Variants in DLGAP2 observed in about 807,000 individuals in gnomAD.
DLGAP2 encodes the protein disks large-associated protein 2.
In DLGAP2, 26 loss-of-function variants were observed where a neutral mutation model predicts 100.3. The observed-to-expected ratio is 0.26, with a 90% CI of 0.19 to 0.36. The LOEUF (loss-of-function observed/expected upper bound fraction) is 0.36. Ranked by LOEUF, DLGAP2 falls within the 10% of genes least tolerant of loss-of-function variation. DLGAP2 has a pLI of 1.00. For synonymous variants in DLGAP2, 886 were observed against 630.1 expected (o/e 1.41, Z -6.08); for missense variants, 1,858 against 1,453.2 (o/e 1.28, Z -4.53).
chr8:809,469 T>TC (rs963963649), intron 1 of DLGAP2, among the ~76,000 whole-genome samples: 1 of 151,680 alleles, frequency 6.6e-6, no homozygotes, highest in Non-Finnish European at 1.5e-5. Flanking sequence ...TTTTTTTTTT[T>TC]TTGTGGCTAA....
At chr8:1,571,426 T>C (rs1293600790) in intron 6 of DLGAP2, among the ~76,000 whole-genome samples, 1 of 87,074 alleles carries the variant, frequency 1.1e-5, no homozygotes, top group Non-Finnish European at 2.2e-5. Context: ...GAGGGTGAAT[T>C]GTGGGGTGTC....
chr8:1,515,330 G>T (rs865905584), intron 4 of DLGAP2, among the ~76,000 whole-genome samples: 5 of 152,194 alleles, frequency 3.3e-5, no homozygotes, highest in Non-Finnish European at 5.9e-5. Context: ...CAGAGAAAAG[G>T]AGTCCTCTCC....
chr8:1,010,011 T>G (rs1162649506), intron 2 of DLGAP2, among the ~76,000 whole-genome samples: 7 of 152,240 alleles, frequency 4.6e-5, no homozygotes, highest in Non-Finnish European at 5.9e-5. Flanking sequence ...AGGTACACCT[T>G]ATGCTAAAAA....
intron 2 of DLGAP2, among the ~76,000 whole-genome samples, chr8:1,221,402 C>G (rs1198956648): frequency 6.6e-6 from 1 of 152,178 alleles, no homozygotes; most frequent in Non-Finnish European, 1.5e-5. Context: ...AATTTCTTTT[C>G]TTTACGGATG....
intron 2 of DLGAP2, among the ~76,000 whole-genome samples, chr8:1,078,886 T>C (rs1803709422): frequency 6.6e-6 from 1 of 152,228 alleles, no homozygotes; most frequent in Non-Finnish European, 1.5e-5. Flanking sequence ...GGTTTTTGTA[T>C]GGAGATGTTT....
At chr8:797,346 C>A (rs1039954075) in intron 1 of DLGAP2, among the ~76,000 whole-genome samples, 1 of 152,280 alleles carries the variant, frequency 6.6e-6, no homozygotes. Context: ...CTCAATGTAG[C>A]GTTTTTGAGA....
intron 2 of DLGAP2, among the ~76,000 whole-genome samples, chr8:967,885 A>T (rs1297101276): frequency 1.1e-4 from 11 of 102,694 alleles, no homozygotes. Context: ...AATACTTTAA[A>T]CTCCCTAGAA....
At chr8:1,214,917 C>G (rs34086587) in intron 2 of DLGAP2, among the ~76,000 whole-genome samples, 15,105 of 152,218 alleles carry the variant, frequency 0.099, 1,552 homozygotes, top group African/African-American at 0.27. Flanking sequence ...CAGTTGCTTC[C>G]CTCCTCTGGC....
intron 4 of DLGAP2, among the ~76,000 whole-genome samples, chr8:1,519,524 T>C (rs1462681226): frequency 6.6e-6 from 1 of 152,228 alleles, no homozygotes; most frequent in African/African-American, 2.4e-5. Context: ...AGGAAGAGAC[T>C]TTCGTTAGAG....
At chr8:1,448,359 A>G (rs1456486347) in intron 3 of DLGAP2, among the ~76,000 whole-genome samples, 2 of 152,180 alleles carry the variant, frequency 1.3e-5, no homozygotes, top group African/African-American at 4.8e-5. Context: ...GTAGTCATTC[A>G]GGAGCAGGTG....
chr8:1,244,902 G>C (rs900235333), intron 2 of DLGAP2, among the ~76,000 whole-genome samples: 1 of 152,298 alleles, frequency 6.6e-6, no homozygotes, highest in East Asian at 1.9e-4. Flanking sequence ...TTTCTATTTA[G>C]AAGAACTCCT....
chr8:1,465,820 G>A (rs1584931150), intron 3 of DLGAP2, among the ~76,000 whole-genome samples: 2 of 152,230 alleles, frequency 1.3e-5, no homozygotes, highest in South Asian at 4.1e-4. Flanking sequence ...TTCTTCCTCA[G>A]GGGCGTGAGG....
At chr8:790,411 C>T (rs145863993) in intron 1 of DLGAP2, among the ~76,000 whole-genome samples, 9 of 152,218 alleles carry the variant, frequency 5.9e-5, no homozygotes, top group South Asian at 2.1e-4. Context: ...ATTTTCTGGC[C>T]GCAAGTGTGA....
At chr8:1,127,029 A>C (rs1454315827) in intron 2 of DLGAP2, among the ~76,000 whole-genome samples, 1 of 148,928 alleles carries the variant, frequency 6.7e-6, no homozygotes, top group African/African-American at 2.5e-5. Flanking sequence ...CCCTGTCCCC[A>C]GCCCAGCTCT....
intron 3 of DLGAP2, among the ~76,000 whole-genome samples, chr8:1,378,575 C>A (rs1289030767): frequency 6.6e-6 from 1 of 151,972 alleles, no homozygotes; most frequent in Non-Finnish European, 1.5e-5. Context: ...CTGCGCACAC[C>A]TGGCCTCACC....
intron 2 of DLGAP2, among the ~76,000 whole-genome samples, chr8:1,144,386 T>C (rs193241371): frequency 6.6e-6 from 1 of 152,230 alleles, no homozygotes; most frequent in Non-Finnish European, 1.5e-5. Flanking sequence ...TTAGAAAGAA[T>C]GCTGTAAGAA....
At chr8:1,353,233 C>G (rs942576115) in intron 3 of DLGAP2, among the ~76,000 whole-genome samples, 1 of 152,220 alleles carries the variant, frequency 6.6e-6, no homozygotes, top group Admixed American at 6.5e-5. Flanking sequence ...CAGCACAGGG[C>G]TGTGTGTGCA....
chr8:1,304,277 C>T (rs999813051), intron 3 of DLGAP2, among the ~76,000 whole-genome samples: 4 of 152,188 alleles, frequency 2.6e-5, no homozygotes, highest in Admixed American at 6.5e-5. Context: ...CACCGGCCAC[C>T]GTGGCCCCAC....
At chr8:872,328 C>CTTTTTTTTTTTTT (rs770291812) in intron 1 of DLGAP2, among the ~76,000 whole-genome samples, 3 of 129,512 alleles carry the variant, frequency 2.3e-5, no homozygotes, top group Non-Finnish European at 1.6e-5. Context: ...TCTCTCACTT[C>CTTTTTTTTTTTTT]TTTTCTTTTT....
Sources: gnomAD v4.1 joint callset for allele counts (sites outside exome capture counted in the v4.1 genomes callset) on GRCh38, gnomAD v4.1.1 for gene constraint, MANE v1.5 for transcripts, NCBI Gene and HGNC (gene_info 2026-07-23, HGNC 2026-07-21) for gene names.